RPS6KC1: variants seen among roughly 807,000 people sequenced by gnomAD.
RPS6KC1 encodes ribosomal protein S6 kinase C1.
In RPS6KC1, 54 loss-of-function variants were observed where a neutral mutation model predicts 103.8. The observed-to-expected ratio is 0.52, with a 90% CI of 0.42 to 0.65. RPS6KC1 has a LOEUF of 0.65. RPS6KC1 is among the 30% of genes least tolerant of loss of function. The pLI, the probability that RPS6KC1 is intolerant of heterozygous loss-of-function variation, is 0.00. For missense variants in RPS6KC1, 1,151 were observed against 1,253.8 expected, an observed-to-expected ratio of 0.92 and a Z score of 1.24; for synonymous variants, 439 against 438.7, an observed-to-expected ratio of 1.00 and a Z score of -0.01.
chr1:213,401,848 G>A, the RPS6KC1 span, among the ~76,000 whole-genome samples: 1 of 152,090 alleles, frequency 6.6e-6, no homozygotes, highest in African/African-American at 2.4e-5. Flanking sequence ...GTGCAGTGGT[G>A]TGCTCATAAT....
the RPS6KC1 span, among the ~76,000 whole-genome samples, chr1:213,680,091 C>T: frequency 2.6e-5 from 4 of 151,880 alleles, no homozygotes; most frequent in South Asian, 2.1e-4. Context: ...AAAAATTTCA[C>T]GTTAAAGAAG....
chr1:213,158,606 G>C (rs1246828708), intron 6 of RPS6KC1, among the ~76,000 whole-genome samples: 1 of 152,176 alleles, frequency 6.6e-6, no homozygotes, highest in Non-Finnish European at 1.5e-5. Context: ...GCCCAGTTTA[G>C]AATGATTTGT....
chr1:213,345,795 A>G, the RPS6KC1 span, among the ~76,000 whole-genome samples: 5 of 152,136 alleles, frequency 3.3e-5, no homozygotes, highest in Admixed American at 6.5e-5. Context: ...TGCTCCTTTG[A>G]CACTCTGCTC....
chr1:213,595,050 C>T, the RPS6KC1 span, among the ~76,000 whole-genome samples: 1 of 152,162 alleles, frequency 6.6e-6, no homozygotes, highest in Non-Finnish European at 1.5e-5. Flanking sequence ...TTCTTTATTT[C>T]CCATCTTAAG....
the RPS6KC1 span, among the ~76,000 whole-genome samples, chr1:213,483,019 T>A: frequency 6.6e-6 from 1 of 152,250 alleles, no homozygotes; most frequent in Admixed American, 6.5e-5. Context: ...AATTTTAGCA[T>A]CTGAGTTGTA....
the RPS6KC1 span, among the ~76,000 whole-genome samples, chr1:213,425,019 G>T: frequency 6.6e-6 from 1 of 152,122 alleles, no homozygotes; most frequent in Admixed American, 6.5e-5. Flanking sequence ...TCACATCGCT[G>T]TTCCAGCAAC....
At chr1:213,757,763 A>G in the RPS6KC1 span, among the ~76,000 whole-genome samples, 49 of 152,342 alleles carry the variant, frequency 3.2e-4, no homozygotes, top group Non-Finnish European at 3.4e-4. Flanking sequence ...AGAGAAGTCC[A>G]TACCTGGCTT....
At chr1:213,717,434 A>C in the RPS6KC1 span, among the ~76,000 whole-genome samples, 1 of 152,252 alleles carries the variant, frequency 6.6e-6, no homozygotes, top group Non-Finnish European at 1.5e-5. Context: ...ACATGTGTGC[A>C]GTTAATGAGA....
chr1:213,051,588 C>T, intron 1 of RPS6KC1, 79 bp downstream of exon 1: 1 of 1,043,770 alleles, frequency 9.6e-7, no homozygotes, highest in Non-Finnish European at 1.4e-6. Context: ...TGTGAGGGTA[C>T]CTGACTCTGG....
intron 3 of RPS6KC1, among the ~76,000 whole-genome samples, chr1:213,080,972 A>C (rs1024808152): frequency 6.6e-6 from 1 of 152,248 alleles, no homozygotes; most frequent in Admixed American, 6.5e-5. Context: ...TACTGTGCCA[A>C]CATAAGAAAA....
chr1:213,440,593 T>TAAAAAAAAA, the RPS6KC1 span, among the ~76,000 whole-genome samples: 4 of 100,378 alleles, frequency 4.0e-5, no homozygotes, highest in Admixed American at 1.1e-4. Context: ...TTAATGGAAC[T>TAAAAAAAAA]AAAAAAAAAA....
chr1:213,232,673 GGGT>G (rs1235362267), intron 10 of RPS6KC1, among the ~76,000 whole-genome samples: 1 of 152,152 alleles, frequency 6.6e-6, no homozygotes, highest in East Asian at 1.9e-4. Flanking sequence ...TAGAAGGCAA[GGGT>G]GTTGGCTTAA....
At chr1:213,052,441 A>T (rs896756502) in intron 1 of RPS6KC1, among the ~76,000 whole-genome samples, 1 of 151,914 alleles carries the variant, frequency 6.6e-6, no homozygotes. Flanking sequence ...AGTTATATAA[A>T]ATGTTAATAA....
the RPS6KC1 span, among the ~76,000 whole-genome samples, chr1:213,672,988 A>C: frequency 6.6e-6 from 1 of 152,140 alleles, no homozygotes; most frequent in East Asian, 1.9e-4. Flanking sequence ...TCCCATCTTC[A>C]CTATCTTTCC....
chr1:213,298,816 T>A, the RPS6KC1 span, among the ~76,000 whole-genome samples: 2 of 152,204 alleles, frequency 1.3e-5, no homozygotes, highest in African/African-American at 4.8e-5. Flanking sequence ...TAGTTTTTAT[T>A]TTTTCCATTT....
chr1:213,753,048 C>T, the RPS6KC1 span, among the ~76,000 whole-genome samples: 26 of 152,324 alleles, frequency 1.7e-4, no homozygotes, highest in Middle Eastern at 3.4e-3. Flanking sequence ...TCTTTGTACT[C>T]CATGCATCAG....
the RPS6KC1 span, among the ~76,000 whole-genome samples, chr1:213,761,205 G>T: frequency 7.2e-5 from 11 of 151,972 alleles, no homozygotes. Flanking sequence ...GGGTTTTTAC[G>T]CTGTTTGATT....
the RPS6KC1 span, among the ~76,000 whole-genome samples, chr1:213,672,661 C>T: frequency 6.6e-6 from 1 of 152,184 alleles, no homozygotes; most frequent in Non-Finnish European, 1.5e-5. Flanking sequence ...ATCATCTAGC[C>T]TTATCCACTC....
chr1:213,500,253 A>G, the RPS6KC1 span, among the ~76,000 whole-genome samples: 1 of 152,120 alleles, frequency 6.6e-6, no homozygotes, highest in Non-Finnish European at 1.5e-5. Context: ...TAAGACACAA[A>G]CACACACATT....
Sources: gnomAD v4.1 joint callset for allele counts (sites outside exome capture counted in the v4.1 genomes callset) on GRCh38, gnomAD v4.1.1 for gene constraint, MANE v1.5 for transcripts, NCBI Gene and HGNC (gene_info 2026-07-23, HGNC 2026-07-21) for gene names.